NFATC4: variants seen among roughly 807,000 people sequenced by gnomAD.
The protein encoded by NFATC4 is nuclear factor of activated T cells 4.
NFATC4 carries 25 observed loss-of-function variants against 73.4 expected under a neutral mutation model. The observed-to-expected ratio is 0.34, with a 90% confidence interval of 0.25 to 0.48. The LOEUF (loss-of-function observed/expected upper bound fraction) is 0.48, where lower values mean the gene tolerates loss of function less well. NFATC4 is among the 20% of genes least tolerant of loss of function. The probability of loss-of-function intolerance (pLI) is 0.99; values close to 1 mark genes in which losing one functional copy is unlikely to be tolerated. For missense variants in NFATC4, 1,130 were observed against 1,203.7 expected (o/e 0.94, Z 0.91); for synonymous variants, 523 against 510.3 (o/e 1.02, Z -0.34).
chr14:24,374,066 A>G, intron 5 of NFATC4, 199 bp downstream of exon 5: 1 of 910,564 alleles, frequency 1.1e-6, no homozygotes. Context: ...GTGACACTGG[A>G]CCCTATCTAT....
intron 5 of NFATC4, 184 bp from the exon 6 acceptor site, chr14:24,374,142 C>A: frequency 1.1e-6 from 1 of 921,852 alleles, no homozygotes; most frequent in Non-Finnish European, 1.7e-6. Flanking sequence ...CCTCTCTCTG[C>A]TCTGGGAGCG....
chr14:24,367,257 G>C (rs748758095), upstream of NFATC4: 12 of 1,606,778 alleles, frequency 7.5e-6, no homozygotes, highest in African/African-American at 1.5e-4. Context: ...GGCCAAGGAG[G>C]GGGAAGAGGA....
chr14:24,370,558 C>T lies in NFATC4; in HGVS notation c.1160C>T (p.Ser387Phe), dbSNP rs2042448176. 1.2e-6 allele frequency: 2 copies of T among 1,612,634 alleles called. No homozygotes were observed. Among genetic ancestry groups the T allele is most frequent in the African/African-American group, 1.3e-5 (1 of 74,904 alleles). Reference sequence around the variant, plus strand: ...GCAGTGCCCTCCCCACTCGCTTGGTCCAAGGCCCGGATTGGGGGACACAGC... The same window carrying T: ...GCAGTGCCCTCCCCACTCGCTTGGTTCAAGGCCCGGATTGGGGGACACAGC... Reference protein sequence around the residue: ...YLAVPSPLAWSKARIGGHSPI... With the variant: ...YLAVPSPLAWFKARIGGHSPI... The change falls in exon 2 of 10, where the codon TCC becomes TTC. Residue 387 changes from serine (S) to phenylalanine (F), a missense_variant. Around this residue, in one of 3 missense-constraint regions of NFATC4, gnomAD observed 585 missense variants for 574.3 expected, o/e 1.02. Coordinates refer to ENST00000250373, the MANE Select transcript of NFATC4 (RefSeq NM_004554.5).
At chr14:24,372,360 C>T (rs888169859) in intron 2 of NFATC4, 81 bp from the exon 3 acceptor site, 1 of 1,437,990 alleles carries the variant, frequency 7.0e-7, no homozygotes, top group Admixed American at 2.0e-5. Flanking sequence ...AGACCCATAC[C>T]CCCTCCTCCC....
At chr14:24,374,290 A>T (rs768435370) in intron 5 of NFATC4, 36 bp from the exon 6 acceptor site, 5 of 1,576,352 alleles carry the variant, frequency 3.2e-6, no homozygotes, top group Non-Finnish European at 3.4e-6. Flanking sequence ...CTCCATGCCC[A>T]GCCCAGCCAG....
chr14:24,370,690 C>G, intron 2 of NFATC4, 96 bp downstream of exon 2: 1 of 1,464,116 alleles, frequency 6.8e-7, no homozygotes. Context: ...GTTTCATGCC[C>G]TCTGAATTTC....
intron 5 of NFATC4, 164 bp from the exon 6 acceptor site, chr14:24,374,161 CA>C: frequency 1.0e-6 from 1 of 999,214 alleles, no homozygotes; most frequent in Non-Finnish European, 1.5e-6. Flanking sequence ...CGGCCCCTTA[CA>C]TGGTGTATGT....
rs750870801 is a variant in NFATC4, at chr14:24,379,289, C to G, written c.*1584C>G. ...GCCTTGGTTGCTTTTCAAAGATCCC[C>G]TTCAGCCCCCTGCCAGAGTCACTGC... is the stretch of plus-strand genomic sequence containing the variant. On this transcript the variant is annotated 3_prime_UTR_variant, in exon 10 of 10. Transcript: ENST00000250373. 3 of 152,400 alleles carry G rather than the reference C, an allele frequency of 2.0e-5. No individual in the cohort carries two copies. Among genetic ancestry groups the G allele is most frequent in the African/African-American group, 4.8e-5 (2 of 41,438 alleles). The allele number at this position is 152,400 out of a possible 1,614,324, so 9.4% of individuals were successfully genotyped here.
intron 3 of NFATC4, 194 bp from the exon 4 acceptor site, chr14:24,372,977 T>C: frequency 3.1e-6 from 2 of 647,866 alleles, no homozygotes; most frequent in Non-Finnish European, 5.2e-6. Flanking sequence ...CTTTGGGCTT[T>C]ATTCCAAGAA....
In NFATC4 at chr14:24,370,551, G is replaced by A. The variant is rs200325730; in HGVS notation, c.1153G>A (p.Ala385Thr). Residue 385 changes from alanine (A) to threonine (T), a missense_variant, in exon 2 of 10, where the codon GCT (alanine) becomes ACT (threonine). Physicochemically the swap from Ala to Thr is moderately conservative, Grantham distance 58 (BLOSUM62 0). Around this residue, in one of 3 missense-constraint regions of NFATC4, gnomAD observed 585 missense variants for 574.3 expected, o/e 1.02. Coordinates refer to ENST00000250373, the MANE Select transcript of NFATC4 (RefSeq NM_004554.5). ...CTACCTGGCAGTGCCCTCCCCACTC[G>A]CTTGGTCCAAGGCCCGGATTGGGGG... is the stretch of plus-strand genomic sequence containing the variant. ...MDYLAVPSPL[A>T]WSKARIGGHS... The A allele has an allele frequency of 2.0e-4, 323 of 1,613,544 alleles. No homozygotes were observed. The highest frequency in any genetic ancestry group is 4.2e-4 in the Admixed American group (25 of 59,998).
chr14:24,376,016 G>A lies in NFATC4; in HGVS notation c.1971G>A (p.Arg657=), dbSNP rs868502619. The A allele has an allele frequency of 3.1e-6, 5 of 1,614,070 alleles. No individual in the cohort carries two copies. The highest frequency in any genetic ancestry group is 1.7e-4 in the Middle Eastern group (1 of 6,056). Residue 657 remains arginine (R), a synonymous_variant, in exon 8 of 10, where the codon AGG becomes AGA. Transcript: ENST00000250373. This position sits in a 1 kb window ranked among gnomAD's most constrained non-coding sequence, Gnocchi z 5.0. The part of the protein sequence containing the change: ...TLTVPEYSNK[R]VSRPVQVYFY... Reference sequence around the variant, plus strand: ...CTGTCCCCGAGTACAGCAACAAGAGGGTTTCCCGGCCAGTCCAGGTCTACT... The same window carrying A: ...CTGTCCCCGAGTACAGCAACAAGAGAGTTTCCCGGCCAGTCCAGGTCTACT...
rs972925136 is a variant in NFATC4, at chr14:24,376,223, G to C, written c.2057-71G>C. On this transcript the variant is annotated intron_variant, in intron 8 of 9. Transcript: ENST00000250373. This position sits in a 1 kb window ranked among gnomAD's most constrained non-coding sequence, Gnocchi z 5.0. ...GAATGGAACCTGGGAGGAGCAGGCAGCTGGAAGGTGTGCAGTGGGGAGACT... is the reference window on the plus strand; with the variant it reads ...GAATGGAACCTGGGAGGAGCAGGCACCTGGAAGGTGTGCAGTGGGGAGACT... 1.9e-6 allele frequency: 3 copies of C among 1,568,896 alleles called. No individual in the cohort carries two copies. In the African/African-American group the frequency reaches 4.1e-5, roughly 21 times the overall value.
chr14:24,375,846 C>G, intron 7 of NFATC4, 129 bp from the exon 8 acceptor site: 1 of 1,532,798 alleles, frequency 6.5e-7, no homozygotes, highest in African/African-American at 1.4e-5. Flanking sequence ...TAAGCAGGTG[C>G]ATCTCTAGGG....
upstream of NFATC4, chr14:24,367,676 CT>C: frequency 6.5e-7 from 1 of 1,534,984 alleles, no homozygotes; most frequent in Non-Finnish European, 8.7e-7. Flanking sequence ...GAAGAATAGC[CT>C]TTTCCTCTTC....
Position 24,373,059 on chromosome 14 carries a change from A to G in NFATC4, c.1360-112A>G. On this transcript the variant is annotated intron_variant, in intron 3 of 9. Transcript: ENST00000250373. The surrounding 1 kb of genome is among the most constrained non-coding windows in gnomAD (Gnocchi z 4.7). ...GTTCCCCAAGGGATTCCCTTGCAGG[A>G]TATCCTTTATCTTTCACCATTCCCA... 1 of 1,067,294 alleles carries G rather than the reference A, an allele frequency of 9.4e-7. No homozygotes were observed. The highest frequency in any genetic ancestry group is 1.4e-6 in the Non-Finnish European group (1 of 737,424). 66.1% of individuals were successfully genotyped at this position (1,067,294 alleles called of 1,614,324 possible). A position where few individuals can be genotyped will look rare whatever the true frequency, so the allele number is the denominator to read the frequency against.
upstream of NFATC4, chr14:24,367,463 C>G: frequency 1.3e-6 from 2 of 1,535,740 alleles, no homozygotes. Flanking sequence ...CAAAGCCTGG[C>G]CTGGATCTAC....
In NFATC4 at chr14:24,369,542, G is replaced by A. The variant is rs749513336; in HGVS notation, c.144G>A (p.Leu48=). The A allele has an allele frequency of 1.2e-5, 20 of 1,610,006 alleles. No homozygotes were observed. Among genetic ancestry groups the A allele is most frequent in the Non-Finnish European group, 1.7e-5 (20 of 1,177,288 alleles). ...CCCCGCCATGCTGCCGTCTGGCCTT[G>A]GGAGAGCCCCCTCCCTATGGCGCTG... ...EDAPPCCRLA[L]GEPPPYGAAP... The change falls in exon 2 of 10, where the codon TTG becomes TTA. Residue 48 remains leucine (L), a synonymous_variant. Coordinates refer to ENST00000250373, the MANE Select transcript of NFATC4 (RefSeq NM_004554.5).
chr14:24,372,211 C>T (rs2042490612), intron 2 of NFATC4: 2 of 530,082 alleles, frequency 3.8e-6, no homozygotes, highest in Non-Finnish European at 6.7e-6. Flanking sequence ...GGGGCTCTGT[C>T]CCCTACTTCC....
At chr14:24,374,050 C>G in intron 5 of NFATC4, 183 bp downstream of exon 5, 1 of 979,564 alleles carries the variant, frequency 1.0e-6, no homozygotes, top group Non-Finnish European at 1.6e-6. Context: ...TCTGGGGTGG[C>G]CCAGAGTGAC....
Sources: gnomAD v4.1 joint callset for allele counts on GRCh38, gnomAD v4.1.1 for gene constraint, gnomAD v4.1.1 regional missense constraint, Gnocchi (gnomAD v3.1) non-coding constraint, MANE v1.5 for transcripts, NCBI Gene and HGNC (gene_info 2026-07-23, HGNC 2026-07-21) for gene names.